PAICS: variants seen among roughly 807,000 people sequenced by gnomAD.
PAICS encodes bifunctional phosphoribosylaminoimidazole carboxylase/phosphoribosylaminoimidazole succinocarboxamide synthetase.
Under a neutral mutation model 53.7 loss-of-function variants are expected in PAICS, and 33 were observed. The ratio of observed to expected loss-of-function variants is 0.61; its 90% confidence interval spans 0.47 to 0.82. The LOEUF (loss-of-function observed/expected upper bound fraction) is 0.82, where lower values mean the gene tolerates loss of function less well. PAICS is among the 40% of genes least tolerant of loss of function. The probability of loss-of-function intolerance (pLI) is 0.00; values close to 1 mark genes in which losing one functional copy is unlikely to be tolerated. For synonymous variants in PAICS, 141 were observed against 167.2 expected (o/e 0.84, Z 1.21); for missense variants, 394 against 494.1 (o/e 0.80, Z 1.92).
chr4:56,413,848 G>A, the PAICS span, among the ~76,000 whole-genome samples: 1 of 152,112 alleles, frequency 6.6e-6, no homozygotes, highest in Non-Finnish European at 1.5e-5. Context: ...AGTGAGCCAA[G>A]ATCACACCAC....
At chr4:56,435,524 G>T, upstream of PAICS, 7 of 1,611,980 alleles carry the variant, frequency 4.3e-6, no homozygotes, top group Non-Finnish European at 5.9e-6. Flanking sequence ...CGGCCAAGGT[G>T]TAAGCACCAA....
intron 8 of PAICS, among the ~76,000 whole-genome samples, chr4:56,458,778 C>G (rs988581898): frequency 1.9e-4 from 29 of 152,130 alleles, no homozygotes; most frequent in African/African-American, 6.8e-4. Flanking sequence ...ATAGTACCAC[C>G]TCAAGACACT....
chr4:56,422,898 C>A, the PAICS span: 9 of 152,156 alleles, frequency 5.9e-5, no homozygotes, highest in East Asian at 1.9e-4. Flanking sequence ...AATGCAAATT[C>A]TTGGGCCCCA....
the PAICS span, chr4:56,410,693 T>C: frequency 1.0e-6 from 1 of 986,606 alleles, no homozygotes; most frequent in Non-Finnish European, 1.2e-6. Flanking sequence ...GAAACAGTGC[T>C]GGGCTAAGTA....
chr4:56,436,360 C>T (rs573762279), intron 1 of PAICS, 32 bp downstream of exon 1: 11 of 1,485,728 alleles, frequency 7.4e-6, no homozygotes, highest in South Asian at 5.9e-5. Context: ...CCTTCACGGT[C>T]TCCCTGACCC....
chr4:56,437,545 G>T (rs1341745372), intron 1 of PAICS, among the ~76,000 whole-genome samples: 1 of 151,666 alleles, frequency 6.6e-6, no homozygotes. Flanking sequence ...ACTCAGGCCG[G>T]GCGCTGTGGC....
At position 56,455,035 on chromosome 4, in the gene PAICS, G is replaced by A. The variant is rs543849988; in HGVS notation, c.1111+1274G>A. ...TACCTAGGCATGGTGGTGAGCATCT[G>A]TAATCCCAGCTACTCAGAGGCTGAG... On this transcript the variant is annotated intron_variant, in intron 8 of 8. Transcript: ENST00000512576. Among the ~76,000 whole-genome samples the A allele has an allele frequency of 3.3e-5, 5 of 152,248 alleles. No homozygotes were observed. The South Asian group carries it at 8.3e-4, about 25-fold the overall frequency.
chr4:56,448,667 C>A, intron 4 of PAICS, 43 bp from the exon 5 acceptor site: 1 of 1,516,902 alleles, frequency 6.6e-7, no homozygotes, highest in South Asian at 1.2e-5. Context: ...GAGATGCTTT[C>A]ATAAAATAGT....
chr4:56,431,568 A>C, upstream of PAICS: 1 of 953,010 alleles, frequency 1.0e-6, no homozygotes, highest in Non-Finnish European at 1.2e-6. Flanking sequence ...ATAAATTTTT[A>C]GAAGTATGAA....
chr4:56,459,620 T>C lies in PAICS; in HGVS notation c.*82T>C. The C allele has an allele frequency of 9.8e-7, 1 of 1,019,708 alleles. No individual in the cohort carries two copies. The highest frequency in any genetic ancestry group is 1.4e-6 in the Non-Finnish European group (1 of 697,938). 63.2% of individuals were successfully genotyped at this position (1,019,708 alleles called of 1,614,324 possible). ...AGGAAAATCAAGCAAGATGAAAAGG[T>C]AATTTTAAATTAGAGAACACAAATA... is the stretch of plus-strand genomic sequence containing the variant. On this transcript the variant is annotated 3_prime_UTR_variant, in exon 9 of 9. Coordinates refer to ENST00000512576, the MANE Select transcript of PAICS (RefSeq NM_001079524.2).
Position 56,448,521 on chromosome 4 carries a change from G to A in PAICS, c.497G>A (p.Ser166Asn). ...GGCCAGACTGAAGTGGATATCATGAGTCATGCTACACAGGCTATATTTGAA... is the reference window on the plus strand; with the variant it reads ...GGCCAGACTGAAGTGGATATCATGAATCATGCTACACAGGCTATATTTGAA... ...LIGQTEVDIM[S>N]HATQAIFEIL... is the part of the protein sequence containing the mutation. Residue 166 changes from serine (S) to asparagine (N), a missense_variant, in exon 4 of 9, where the codon AGT becomes AAT. This residue lies in a region of PAICS where 168 missense variants were observed against 199.3 expected (regional missense o/e 0.84). Transcript: ENST00000512576. 1 of 1,612,438 alleles carries A rather than the reference G, an allele frequency of 6.2e-7. No individual in the cohort carries two copies. Among genetic ancestry groups the A allele is most frequent in the Non-Finnish European group, 8.5e-7 (1 of 1,178,854 alleles).
upstream of PAICS, among the ~76,000 whole-genome samples, chr4:56,432,979 TAC>T (rs1345533490): frequency 2.2e-4 from 28 of 127,614 alleles, no homozygotes; most frequent in African/African-American, 7.7e-4. Context: ...TATACATATA[TAC>T]ATACACACAC....
rs1719040702 is a variant in PAICS, at chr4:56,453,666, T to G, written c.1016T>G (p.Met339Arg). ...AGAAGTAATGGTTTGGGACCAGTGA[T>G]GTCTGGGAACACTGCATATCCAGTT... is the stretch of plus-strand genomic sequence containing the variant. ...AGRSNGLGPV[M>R]SGNTAYPVIS... is the part of the protein sequence containing the mutation. The change falls in exon 8 of 9, where the codon ATG (methionine) becomes AGG (arginine). Residue 339 changes from methionine to arginine, a missense_variant. This residue lies in a region of PAICS where 131 missense variants were observed against 205.5 expected (regional missense o/e 0.64). Transcript: ENST00000512576. 6.4e-7 allele frequency: 1 copy of G among 1,573,306 alleles called. No individual in the cohort carries two copies. The highest frequency in any genetic ancestry group is 8.6e-7 in the Non-Finnish European group (1 of 1,157,942).
chr4:56,463,431 C>A lies in PAICS; in HGVS notation c.*3893C>A, dbSNP rs371935771. ...ACATGAGGCTGGGTGCAGTGGCTCACGCCTGTAATCCCAGCACTTTGGGAG... is the reference window on the plus strand; with the variant it reads ...ACATGAGGCTGGGTGCAGTGGCTCAAGCCTGTAATCCCAGCACTTTGGGAG... On this transcript the variant is annotated 3_prime_UTR_variant, in exon 9 of 9. Transcript: ENST00000512576. 6.6e-6 allele frequency: 1 copy of A among 151,488 alleles called. No homozygotes were observed. Among genetic ancestry groups the A allele is most frequent in the East Asian group, 2.0e-4 (1 of 5,102 alleles). The allele number at this position is 151,488 out of a possible 1,614,324, so 9.4% of individuals were successfully genotyped here. A position where few individuals can be genotyped will look rare whatever the true frequency, so the allele number is the denominator to read the frequency against.
In PAICS at chr4:56,459,818, C is replaced by T; in HGVS notation, c.*280C>T. ...CACTACTATTGAGTTTCTTCCTTAA[C>T]ACTGATTAAATGATCTTAACTCCCT... is the stretch of plus-strand genomic sequence containing the variant. On this transcript the variant is annotated 3_prime_UTR_variant, in exon 9 of 9. Transcript: ENST00000512576. The T allele has an allele frequency of 4.0e-6, 1 of 252,970 alleles. No homozygotes were observed. The highest frequency in any genetic ancestry group is 7.6e-6 in the Non-Finnish European group (1 of 132,202). 15.7% of individuals were successfully genotyped at this position (252,970 alleles called of 1,614,324 possible). A position where few individuals can be genotyped will look rare whatever the true frequency, so the allele number is the denominator to read the frequency against.
the PAICS span, among the ~76,000 whole-genome samples, chr4:56,412,519 C>G: frequency 6.6e-6 from 1 of 152,110 alleles, no homozygotes; most frequent in African/African-American, 2.4e-5. Context: ...CCTGGCTGGT[C>G]TTGAACTCCT....
rs1560668418 is a variant in PAICS, at chr4:56,461,738, A to G, written c.*2200A>G. On this transcript the variant is annotated 3_prime_UTR_variant, in exon 9 of 9. Coordinates refer to ENST00000512576, the MANE Select transcript of PAICS (RefSeq NM_001079524.2). ...TCAGTAGTAAGTTCATCAGTGCTAA[A>G]TATTTGAAGGTATTTCTACTGTTTT... 1 of 152,144 alleles carries G rather than the reference A, an allele frequency of 6.6e-6. No homozygotes were observed. The highest frequency in any genetic ancestry group is 1.5e-5 in the Non-Finnish European group (1 of 68,046). The allele number at this position is 152,144 out of a possible 1,614,324, so 9.4% of individuals were successfully genotyped here. A position where few individuals can be genotyped will look rare whatever the true frequency, so the allele number is the denominator to read the frequency against.
intron 6 of PAICS, chr4:56,451,181 G>T (rs12646703): frequency 0.3 from 46,647 of 153,860 alleles, 7,593 homozygotes; most frequent in East Asian, 0.47. Flanking sequence ...TCCTTACTAG[G>T]ATACTGGAAC....
At chr4:56,448,061 G>A (rs1208969474) in intron 3 of PAICS, among the ~76,000 whole-genome samples, 1 of 141,324 alleles carries the variant, frequency 7.1e-6, no homozygotes, top group Non-Finnish European at 1.5e-5. Flanking sequence ...AGGCTAGAGT[G>A]CAGTGGCGCT....
Sources: allele counts gnomAD v4.1 joint callset (sites outside exome capture counted in the v4.1 genomes callset), GRCh38; gene constraint gnomAD v4.1.1; regional missense constraint gnomAD v4.1.1; transcripts MANE v1.5; gene names NCBI Gene and HGNC (gene_info 2026-07-23, HGNC 2026-07-21).